Variants in LRRD1 observed in about 807,000 individuals in gnomAD.
LRRD1 encodes leucine-rich repeat and death domain-containing protein 1.
A neutral mutation model predicts 69.5 loss-of-function variants in LRRD1; 49 were observed. The ratio of observed to expected loss-of-function variants is 0.70; its 90% CI spans 0.56 to 0.89. The LOEUF is 0.89. Among genes scored for constraint, LRRD1 ranks in the 40% least tolerant of loss-of-function variants. LRRD1 has a pLI of 0.00. For synonymous variants in LRRD1, 303 were observed against 338.9 expected, an observed-to-expected ratio of 0.89 and a Z score of 1.16; for missense variants, 853 against 956.0, an observed-to-expected ratio of 0.89 and a Z score of 1.42.
At chr7:92,145,945 C>T in intron 5 of LRRD1, 138 bp downstream of exon 5, 2 of 498,184 alleles carry the variant, frequency 4.0e-6, no homozygotes, top group Non-Finnish European at 7.0e-6. Context: ...GGATCACAAA[C>T]ATGTAATAAA....
downstream of LRRD1, chr7:92,142,795 C>T (rs1366933751): frequency 2.3e-6 from 1 of 442,792 alleles, no homozygotes; most frequent in East Asian, 7.0e-5. Context: ...CGGTGGGTTC[C>T]TGGTCTTGCT....
At chr7:92,174,198 G>GGTT (rs1789114984) in intron 1 of LRRD1, among the ~76,000 whole-genome samples, 1 of 151,726 alleles carries the variant, frequency 6.6e-6, no homozygotes, top group South Asian at 2.1e-4. Flanking sequence ...CATGAGGAGA[G>GGTT]GTTGATTAAT....
intron 4 of LRRD1, 73 bp from the exon 5 acceptor site, chr7:92,146,273 G>T: frequency 1.4e-6 from 1 of 733,168 alleles, no homozygotes; most frequent in Non-Finnish European, 2.1e-6. Flanking sequence ...ATTATATCTA[G>T]TTTTCTTATT....
chr7:92,142,506 C>G (rs760381887), downstream of LRRD1: 52 of 456,616 alleles, frequency 1.1e-4, no homozygotes, highest in African/African-American at 9.8e-4. Context: ...GCAAAAAGAT[C>G]CAAAAGAAAC....
chr7:92,155,812 G>A (rs558226229), intron 3 of LRRD1, among the ~76,000 whole-genome samples: 1 of 152,354 alleles, frequency 6.6e-6, no homozygotes, highest in South Asian at 2.1e-4. Context: ...AACCAGTGGT[G>A]TAAGTCCAAG....
intron 3 of LRRD1, among the ~76,000 whole-genome samples, chr7:92,150,981 A>G (rs1820452570): frequency 1.3e-5 from 2 of 152,220 alleles, no homozygotes; most frequent in Admixed American, 1.3e-4. Context: ...TTTAAACTAA[A>G]CTGTTTATTT....
rs1788851478 is a variant in LRRD1, at chr7:92,164,161, A to AATTT, written c.1041_1042insAAAT (p.Leu348LysfsTer14). The AATTT allele has an allele frequency of 6.5e-7, 1 of 1,547,870 alleles. No homozygotes were observed. Among genetic ancestry groups the AATTT allele is most frequent in the African/African-American group, 1.4e-5 (1 of 72,750 alleles). On this transcript the variant is annotated frameshift_variant, in exon 2 of 6. Transcript: ENST00000458448. LOFTEE classifies it high-confidence loss of function. ...AGTTGGAGTTCTTTTATTTTGAGTA[A>AATTT]CTGAAAAATTTCTACAGCCAGAAAG...
rs989153231 is a variant in LRRD1 at position 92,165,079 on chromosome 7, C to T, written c.124G>A (p.Glu42Lys). The T allele has an allele frequency of 3.6e-5, 56 of 1,551,424 alleles. No individual in the cohort carries two copies. The highest frequency in any genetic ancestry group is 2.3e-4 in the South Asian group (19 of 84,058). ...TTCCCTTCCAGGTAATCAGAAGCTT[C>T]GTTTATCAAATTTGATGTTTCTTTA... ...FIKETSNLIN[E>K]ASDYLEGKSS... The change falls in exon 2 of 6, where the codon GAA becomes AAA. Residue 42 changes from glutamate (E) to lysine (K), a missense_variant. Around this residue, in one of 3 missense-constraint regions of LRRD1, gnomAD observed 99 missense variants for 107.0 expected, o/e 0.92. Coordinates refer to ENST00000458448, the MANE Select transcript of LRRD1 (RefSeq NM_001161528.2).
At chr7:92,161,899 G>T (rs1390485904) in intron 2 of LRRD1, among the ~76,000 whole-genome samples, 1 of 152,306 alleles carries the variant, frequency 6.6e-6, no homozygotes. Context: ...ATCAGCTCTA[G>T]TCATGTAGAC....
intron 1 of LRRD1, among the ~76,000 whole-genome samples, chr7:92,167,158 C>A (rs577850539): frequency 6.7e-6 from 1 of 149,324 alleles, no homozygotes; most frequent in African/African-American, 2.5e-5. Flanking sequence ...TGCAGTGGTG[C>A]TATCTTGGCT....
downstream of LRRD1, among the ~76,000 whole-genome samples, chr7:92,143,734 G>A (rs1162313353): frequency 6.6e-6 from 1 of 152,218 alleles, no homozygotes; most frequent in Non-Finnish European, 1.5e-5. Context: ...AGCTGAGGGA[G>A]CCGGTTCCGG....
intron 1 of LRRD1, among the ~76,000 whole-genome samples, chr7:92,174,335 C>T (rs936734679): frequency 4.0e-5 from 6 of 150,966 alleles, no homozygotes; most frequent in Non-Finnish European, 7.4e-5. Flanking sequence ...TTGAATGTTT[C>T]TAGCATAAGG....
At chr7:92,152,303 A>G (rs1012674968) in intron 3 of LRRD1, among the ~76,000 whole-genome samples, 2 of 152,072 alleles carry the variant, frequency 1.3e-5, no homozygotes, top group African/African-American at 4.8e-5. Context: ...TTACAACAAT[A>G]TCAGTGTTGT....
In LRRD1 at chr7:92,165,724, G is replaced by A. The variant is rs146111940; in HGVS notation, c.-74-448C>T. 4.1e-3 allele frequency among the ~76,000 whole-genome samples: 620 copies of A among 152,202 alleles called. 6 individuals carry two copies. Among genetic ancestry groups the A allele is most frequent in the African/African-American group, 0.014 (594 of 41,534 alleles). On this transcript the variant is annotated intron_variant, in intron 1 of 5. Coordinates refer to ENST00000458448, the MANE Select transcript of LRRD1 (RefSeq NM_001161528.2). ...AAAAATACAAAAATTAGCTGGATGT[G>A]GTAGCGGGCGCCTGTAATCCCAGCT...
rs1584659307 is a variant in LRRD1, at chr7:92,164,687, G to C, written c.516C>G (p.Asp172Glu). 1 of 1,551,028 alleles carries C rather than the reference G, an allele frequency of 6.4e-7. No individual in the cohort carries two copies. Among genetic ancestry groups the C allele is most frequent in the Middle Eastern group, 1.7e-4 (1 of 5,988 alleles). Residue 172 changes from aspartate (D) to glutamate (E), a missense_variant, in exon 2 of 6, where the codon GAC (aspartate) becomes GAG (glutamate). This residue lies in a region of LRRD1 where 739 missense variants were observed against 808.0 expected (regional missense o/e 0.91). Coordinates refer to ENST00000458448, the MANE Select transcript of LRRD1 (RefSeq NM_001161528.2). ...KIKYVKYLYLDKNQIKTFQGA... is the reference protein window; with the variant it reads ...KIKYVKYLYLEKNQIKTFQGA... Reference sequence around the variant, plus strand: ...CTTGAAATGTTTTGATTTGATTCTTGTCTAAATATAGATATTTTACATATT... The same window carrying C: ...CTTGAAATGTTTTGATTTGATTCTTCTCTAAATATAGATATTTTACATATT...
At chr7:92,144,780 A>C (rs1820274464), downstream of LRRD1, 1 of 594,406 alleles carries the variant, frequency 1.7e-6, no homozygotes, top group Admixed American at 3.5e-5. Flanking sequence ...GAATGAAAGA[A>C]AAAAGATGCA....
At chr7:92,149,005 C>T (rs570332778) in intron 4 of LRRD1, among the ~76,000 whole-genome samples, 1 of 151,884 alleles carries the variant, frequency 6.6e-6, no homozygotes, top group East Asian at 1.9e-4. Context: ...CCTTGGCCTC[C>T]CAAAGTGCCG....
chr7:92,143,470 G>A (rs915510198), downstream of LRRD1, among the ~76,000 whole-genome samples: 44 of 152,214 alleles, frequency 2.9e-4, no homozygotes, highest in African/African-American at 9.9e-4. Context: ...ACGGAAGTGG[G>A]GGAGGCTCGG....
At position 92,165,007 on chromosome 7, in the gene LRRD1, C is replaced by G. The variant is rs752608819; in HGVS notation, c.196G>C (p.Glu66Gln). 216 of 1,551,308 alleles carry G rather than the reference C, an allele frequency of 1.4e-4. 4 individuals are homozygous for G. The South Asian group carries it at 2.5e-3, about 18-fold the overall frequency. Reference sequence around the variant, plus strand: ...TTCCTTCCAGAGGAAGATGTTGACTCTAATGTATTCTGTCTAGGATGTGTT... The same window carrying G: ...TTCCTTCCAGAGGAAGATGTTGACTGTAATGTATTCTGTCTAGGATGTGTT... ...YETHPRQNTL[E>Q]STSSSGRKSK... Residue 66 changes from glutamate (E) to glutamine (Q), a missense_variant, in exon 2 of 6, where the codon GAG (glutamate) becomes CAG (glutamine). Physicochemically the swap from Glu to Gln is conservative, Grantham distance 29. This residue lies in a region of LRRD1 where 99 missense variants were observed against 107.0 expected (regional missense o/e 0.92). Transcript: ENST00000458448.
Sources: gnomAD v4.1 joint callset for allele counts (sites outside exome capture counted in the v4.1 genomes callset) on GRCh38, gnomAD v4.1.1 for gene constraint, gnomAD v4.1.1 regional missense constraint, MANE v1.5 for transcripts, NCBI Gene and HGNC (gene_info 2026-07-23, HGNC 2026-07-21) for gene names.